Variants in PHACTR3 observed in about 807,000 individuals in gnomAD.
PHACTR3 encodes the protein protein phosphatase 1, regulatory subunit 123.
A neutral mutation model predicts 66.8 loss-of-function variants in PHACTR3; 16 were observed. The ratio of observed to expected loss-of-function variants is 0.24; its 90% confidence interval spans 0.16 to 0.36. The LOEUF (loss-of-function observed/expected upper bound fraction) is 0.36, where lower values mean the gene tolerates loss of function less well. PHACTR3 is among the 10% of genes least tolerant of loss of function. The pLI is 1.00. For missense variants in PHACTR3, 647 were observed against 719.9 expected (o/e 0.90, Z 1.16); for synonymous variants, 323 against 292.1 (o/e 1.11, Z -1.08).
Position 59,773,345 on chromosome 20 carries a change from C to T in PHACTR3, c.818C>T (p.Ser273Phe), listed in dbSNP as rs1286192603. 6.2e-7 allele frequency: 1 copy of T among 1,614,206 alleles called. No homozygotes were observed. Among genetic ancestry groups the T allele is most frequent in the South Asian group, 1.1e-5 (1 of 91,086 alleles). Residue 273 changes from serine to phenylalanine, a missense_variant, in exon 6 of 13, where the codon TCC (serine) becomes TTC (phenylalanine). Coordinates refer to ENST00000371015, the MANE Select transcript of PHACTR3 (RefSeq NM_080672.5). ...GACCCTTCCCTCCGGGGCCAGCTCT[C>T]CACACCCACGGGGTCTCCGCATCTC... ...SADPSLRGQLSTPTGSPHLTT... is the reference protein window; with the variant it reads ...SADPSLRGQLFTPTGSPHLTT...
chr20:59,835,646 G>A (rs2042504822), intron 8 of PHACTR3, among the ~76,000 whole-genome samples: 1 of 152,130 alleles, frequency 6.6e-6, no homozygotes, highest in African/African-American at 2.4e-5. Flanking sequence ...ATCAGAGCTT[G>A]GCATTAATTT....
Position 59,755,223 on chromosome 20 carries a change from T to A in PHACTR3, c.400T>A (p.Ser134Thr). The A allele has an allele frequency of 6.2e-7, 1 of 1,613,790 alleles. No individual in the cohort carries two copies. Among genetic ancestry groups the A allele is most frequent in the Non-Finnish European group, 8.5e-7 (1 of 1,180,032 alleles). The change falls in exon 4 of 13, where the codon TCT (serine) becomes ACT (threonine). Residue 134 changes from serine to threonine, a missense_variant. By Grantham distance (58) the Ser-to-Thr change is moderately conservative. Coordinates refer to ENST00000371015, the MANE Select transcript of PHACTR3 (RefSeq NM_080672.5). ...KTCNPDGGPR[S>T]VQSEPPTPKS... ...TTGCAACCCCGATGGAGGACCCCGA[T>A]CTGTACAGAGTGAACCACCCACTCC...
rs539916007 is a variant in PHACTR3 at position 59,639,092 on chromosome 20, G to A, written c.118+33960G>A. Reference sequence around the variant, plus strand: ...GGATGGATGGATGGATGGATGGATGGATGGATGGGTAGACGGATGTATGGG... The same window carrying A: ...GGATGGATGGATGGATGGATGGATGAATGGATGGGTAGACGGATGTATGGG... On this transcript the variant is annotated intron_variant, in intron 1 of 12. Coordinates refer to ENST00000371015, the MANE Select transcript of PHACTR3 (RefSeq NM_080672.5). Among the ~76,000 whole-genome samples the A allele has an allele frequency of 3.3e-5, 5 of 150,504 alleles. No homozygotes were observed. The South Asian group carries it at 1.1e-3, about 32-fold the overall frequency.
At chr20:59,673,822 G>A (rs925459572) in intron 1 of PHACTR3, among the ~76,000 whole-genome samples, 5 of 152,092 alleles carry the variant, frequency 3.3e-5, no homozygotes, top group South Asian at 2.1e-4. Flanking sequence ...AAATGTGTCC[G>A]AACTGGGTAG....
At chr20:59,793,236 T>G (rs1052450730) in intron 7 of PHACTR3, among the ~76,000 whole-genome samples, 4 of 152,182 alleles carry the variant, frequency 2.6e-5, no homozygotes, top group African/African-American at 9.7e-5. Context: ...TCCAGCTTCG[T>G]TCTTGCTCAA....
chr20:59,648,304 G>A (rs902175082), intron 1 of PHACTR3, among the ~76,000 whole-genome samples: 4 of 148,962 alleles, frequency 2.7e-5, no homozygotes, highest in African/African-American at 9.9e-5. Flanking sequence ...AAGGAGGTGA[G>A]TTTCTCTTTC....
chr20:59,759,017 A>G (rs78738568), intron 4 of PHACTR3, among the ~76,000 whole-genome samples: 3,391 of 152,268 alleles, frequency 0.022, 57 homozygotes, highest in Non-Finnish European at 0.035. Context: ...TGTCATCGTC[A>G]TTGTCATCTG....
intron 8 of PHACTR3, among the ~76,000 whole-genome samples, chr20:59,814,857 T>C (rs74638024): frequency 0.14 from 20,854 of 152,100 alleles, 1,873 homozygotes; most frequent in East Asian, 0.27. Flanking sequence ...CTGAAGCCTG[T>C]GGGGCCTCCG....
At chr20:59,664,975 C>G (rs749689499) in intron 1 of PHACTR3, among the ~76,000 whole-genome samples, 1 of 152,180 alleles carries the variant, frequency 6.6e-6, no homozygotes, top group African/African-American at 2.4e-5. Flanking sequence ...GGCACTTGCT[C>G]TTGTCTCCTT....
chr20:59,835,336 C>T (rs2042496935), intron 8 of PHACTR3, among the ~76,000 whole-genome samples: 1 of 152,146 alleles, frequency 6.6e-6, no homozygotes, highest in Non-Finnish European at 1.5e-5. Flanking sequence ...CAACCACCCA[C>T]AGAGCCAGAA....
chr20:59,805,160 G>A (rs570966880), intron 7 of PHACTR3, among the ~76,000 whole-genome samples: 3 of 152,340 alleles, frequency 2.0e-5, no homozygotes, highest in South Asian at 4.1e-4. Context: ...CTCTGCCTGC[G>A]AAAGAGCTAA....
At chr20:59,745,565 G>T (rs2039336193) in intron 2 of PHACTR3, among the ~76,000 whole-genome samples, 1 of 152,232 alleles carries the variant, frequency 6.6e-6, no homozygotes, top group African/African-American at 2.4e-5. Flanking sequence ...TAAAGCAGGG[G>T]GTGTTATTTG....
intron 1 of PHACTR3, among the ~76,000 whole-genome samples, chr20:59,648,512 T>TA (rs1389955717): frequency 6.6e-6 from 1 of 152,214 alleles, no homozygotes; most frequent in Non-Finnish European, 1.5e-5. Flanking sequence ...AAAACATCTT[T>TA]AAAATCTCCT....
intron 1 of PHACTR3, among the ~76,000 whole-genome samples, chr20:59,616,881 C>G (rs768000439): frequency 2.0e-5 from 3 of 152,016 alleles, no homozygotes; most frequent in Non-Finnish European, 4.4e-5. Context: ...AGTTTTGGAG[C>G]ACATTTAATA....
chr20:59,634,871 C>G (rs1158380469), intron 1 of PHACTR3, among the ~76,000 whole-genome samples: 2 of 152,144 alleles, frequency 1.3e-5, no homozygotes, highest in Non-Finnish European at 2.9e-5. Flanking sequence ...TTAAATTTTA[C>G]TTAGCTGTAA....
chr20:59,640,798 G>C (rs957452878), intron 1 of PHACTR3, among the ~76,000 whole-genome samples: 6 of 152,162 alleles, frequency 3.9e-5, no homozygotes, highest in African/African-American at 1.4e-4. Context: ...TGAACTCCAA[G>C]AACACTGACA....
rs1601254128 is a variant in PHACTR3 at position 59,748,157 on chromosome 20, T to C, written c.358+322T>C. Among the ~76,000 whole-genome samples, 3 of 152,324 alleles carry C rather than the reference T, an allele frequency of 2.0e-5. No homozygotes were observed. In the East Asian group the frequency reaches 5.8e-4, roughly 29 times the overall value. The stretch of plus-strand genomic sequence containing the variant: ...TTCCTTTAAAGTGGTAGCAGTGGTT[T>C]TTTCAGCATTAATTTTTTTTTCATA... On this transcript the variant is annotated intron_variant, in intron 3 of 12. Transcript: ENST00000371015.
intron 4 of PHACTR3, among the ~76,000 whole-genome samples, chr20:59,762,943 TG>T (rs2040045125): frequency 6.6e-6 from 1 of 152,132 alleles, no homozygotes; most frequent in African/African-American, 2.4e-5. Context: ...AAGGATGGCG[TG>T]GGGCATCTGG....
At chr20:59,822,798 G>C (rs1358855802) in intron 8 of PHACTR3, among the ~76,000 whole-genome samples, 1 of 152,210 alleles carries the variant, frequency 6.6e-6, no homozygotes, top group East Asian at 1.9e-4. Flanking sequence ...GTGGGGGATG[G>C]GAGTCACAGG....
Sources: allele counts gnomAD v4.1 joint callset (sites outside exome capture counted in the v4.1 genomes callset), GRCh38; gene constraint gnomAD v4.1.1; transcripts MANE v1.5; gene names NCBI Gene and HGNC (gene_info 2026-07-23, HGNC 2026-07-21).